The following DSE variants were observed in gnomAD, a reference collection of about 807,000 sequenced individuals.
DSE encodes the protein dermatan sulfate epimerase, also known as dermatan-sulfate epimerase.
In DSE, 36 loss-of-function variants were observed where a neutral mutation model predicts 84.4. The ratio of observed to expected loss-of-function variants is 0.43; its 90% CI spans 0.33 to 0.56. DSE has a LOEUF of 0.56. Among genes scored for constraint, DSE ranks in the 20% least tolerant of loss-of-function variants. The pLI, the probability that DSE is intolerant of heterozygous loss-of-function variation, is 0.06. For missense variants in DSE, 862 were observed against 1,169.6 expected (o/e 0.74, Z 3.84); for synonymous variants, 410 against 430.1 (o/e 0.95, Z 0.58).
intron 2 of DSE, among the ~76,000 whole-genome samples, chr6:116,272,597 A>G (rs889821924): frequency 6.6e-6 from 1 of 152,214 alleles, no homozygotes; most frequent in African/African-American, 2.4e-5. Context: ...AATTTGAATC[A>G]ATTTGACAAA....
At chr6:116,353,614 T>C (rs925448903) in intron 2 of DSE, among the ~76,000 whole-genome samples, 12 of 152,196 alleles carry the variant, frequency 7.9e-5, no homozygotes, top group African/African-American at 2.9e-4. Flanking sequence ...AGATGAGGCA[T>C]TGATATTCCC....
Position 116,370,969 on chromosome 6 carries a change from G to C in DSE, c.-206G>C. 1.0e-6 allele frequency: 1 copy of C among 985,416 alleles called. No individual in the cohort carries two copies. Among genetic ancestry groups the C allele is most frequent in the South Asian group, 4.7e-5 (1 of 21,288 alleles). 61.0% of individuals were successfully genotyped at this position (985,416 alleles called of 1,614,324 possible). On this transcript the variant is annotated 5_prime_UTR_variant, in exon 1 of 6. Coordinates refer to ENST00000644252, the MANE Select transcript of DSE (RefSeq NM_013352.4). ...CTCAGTAGCGTCGCCCGAGGCTGCA[G>C]CAGCGCATCCCGGGGCATGGCGCGG...
At chr6:116,432,499 T>C (rs896285123) in intron 4 of DSE, 2 of 152,196 alleles carry the variant, frequency 1.3e-5, no homozygotes, top group Non-Finnish European at 2.9e-5. Flanking sequence ...ACTTACAAGA[T>C]CATTTACTAA....
At position 116,410,733 on chromosome 6, in the gene DSE, CAAAAAAAAAAAAAAAAA is replaced by C. The variant is rs765969508; in HGVS notation, c.416+11084_416+11100del. ...TGGGCGACAGAGCGAGACTCTGTCT[CAAAAAAAAAAAAAAAAA>C]AAAAAAAAAAAAAAAAGAAGAAGAA... On this transcript the variant is annotated intron_variant, in intron 2 of 5. Transcript: ENST00000644252. 1.6e-4 allele frequency among the ~76,000 whole-genome samples: 13 copies of C among 79,604 alleles called. No homozygotes were observed. The South Asian group carries it at 2.5e-3, about 15-fold the overall frequency. 52.2% of individuals were successfully genotyped at this position (79,604 alleles called of 152,430 possible). A position where few individuals can be genotyped will look rare whatever the true frequency, so the allele number is the denominator to read the frequency against.
In DSE at chr6:116,437,076, C is replaced by T. The variant is rs746254694; in HGVS notation, c.2608C>T (p.His870Tyr). 29 of 1,613,752 alleles carry T rather than the reference C, an allele frequency of 1.8e-5. No individual in the cohort carries two copies. The South Asian group carries it at 3.1e-4, about 17-fold the overall frequency. ...TTTTGCAGATGTAACATACGAGAAACATAAAAATGGGGGCTTGATTAAAGG... is the reference window on the plus strand; with the variant it reads ...TTTTGCAGATGTAACATACGAGAAATATAAAAATGGGGGCTTGATTAAAGG... The part of the protein sequence containing the change: ...LDFADVTYEK[H>Y]KNGGLIKGRF... Residue 870 changes from histidine (H) to tyrosine (Y), a missense_variant, in exon 6 of 6, where the codon CAT becomes TAT. His to Tyr is a moderately conservative substitution (Grantham distance 83). Around this residue, in one of 4 missense-constraint regions of DSE, gnomAD observed 315 missense variants for 348.1 expected, o/e 0.90. Coordinates refer to ENST00000644252, the MANE Select transcript of DSE (RefSeq NM_013352.4).
chr6:116,376,284 C>A (rs1779924276), intron 1 of DSE, among the ~76,000 whole-genome samples: 1 of 152,208 alleles, frequency 6.6e-6, no homozygotes, highest in African/African-American at 2.4e-5. Context: ...TTGCTCAGTT[C>A]TCATTAGCTG....
At chr6:116,350,824 T>TA (rs1458085126) in intron 2 of DSE, among the ~76,000 whole-genome samples, 1 of 151,882 alleles carries the variant, frequency 6.6e-6, no homozygotes, top group Non-Finnish European at 1.5e-5. Context: ...TAAAAAAAAA[T>TA]AGCTTTTGGG....
chr6:116,300,344 A>G (rs969980178), intron 2 of DSE, among the ~76,000 whole-genome samples: 1 of 152,222 alleles, frequency 6.6e-6, no homozygotes. Flanking sequence ...ATTTCCTTCC[A>G]TATTTGAGTA....
At chr6:116,339,534 A>G (rs1423936685) in intron 2 of DSE, among the ~76,000 whole-genome samples, 3 of 152,224 alleles carry the variant, frequency 2.0e-5, no homozygotes, top group Non-Finnish European at 4.4e-5. Context: ...TAGGAATATT[A>G]ATCTGACTAC....
intron 2 of DSE, among the ~76,000 whole-genome samples, chr6:116,311,858 A>G (rs1377910084): frequency 6.6e-6 from 1 of 152,170 alleles, no homozygotes; most frequent in Non-Finnish European, 1.5e-5. Flanking sequence ...AGTTATCACC[A>G]TCCAAAATTA....
At chr6:116,315,109 A>G (rs956773933) in intron 2 of DSE, among the ~76,000 whole-genome samples, 1 of 152,202 alleles carries the variant, frequency 6.6e-6, no homozygotes, top group Non-Finnish European at 1.5e-5. Context: ...TTGCTTGGGC[A>G]GCTTCCTCCA....
At chr6:116,382,949 G>A (rs1274007011) in intron 1 of DSE, among the ~76,000 whole-genome samples, 1 of 152,178 alleles carries the variant, frequency 6.6e-6, no homozygotes, top group East Asian at 1.9e-4. Context: ...AATGATAAAA[G>A]TGCCAGGAGA....
chr6:116,364,934 A>C (rs1025294745), intron 2 of DSE, among the ~76,000 whole-genome samples: 1 of 143,724 alleles, frequency 7.0e-6, no homozygotes, highest in Non-Finnish European at 1.5e-5. Flanking sequence ...CTTGGGTTCC[A>C]GCAATTCTCG....
chr6:116,283,545 T>TTGC (rs1773672859), intron 2 of DSE, among the ~76,000 whole-genome samples: 2 of 148,202 alleles, frequency 1.3e-5, no homozygotes, highest in African/African-American at 5.3e-5. Context: ...GTTGTTGTTG[T>TTGC]TGTTGTTGTT....
chr6:116,279,822 G>T (rs879016495), intron 2 of DSE: 1 of 1,613,018 alleles, frequency 6.2e-7, no homozygotes, highest in Non-Finnish European at 8.5e-7. Flanking sequence ...CCCCATCCAG[G>T]CCGCTCATGT....
intron 2 of DSE, among the ~76,000 whole-genome samples, chr6:116,365,299 A>T (rs1043302389): frequency 2.6e-5 from 4 of 152,084 alleles, no homozygotes; most frequent in African/African-American, 9.7e-5. Context: ...TCTATCGCCC[A>T]GGCTGGAGTG....
At chr6:116,348,703 T>C (rs1033295697) in intron 2 of DSE, among the ~76,000 whole-genome samples, 3 of 152,172 alleles carry the variant, frequency 2.0e-5, no homozygotes, top group Admixed American at 6.5e-5. Context: ...TTATTCACGA[T>C]AGCAAAGACT....
At chr6:116,345,740 CT>C (rs920473815) in intron 2 of DSE, among the ~76,000 whole-genome samples, 2 of 152,090 alleles carry the variant, frequency 1.3e-5, no homozygotes, top group African/African-American at 2.4e-5. Context: ...CATTCAAAAG[CT>C]AGTAGAAGGC....
chr6:116,411,653 T>A (rs1388979701), intron 2 of DSE, among the ~76,000 whole-genome samples: 2 of 152,248 alleles, frequency 1.3e-5, no homozygotes, highest in East Asian at 3.8e-4. Context: ...AATCTGTATG[T>A]ATTGCTAATA....
Sources: gnomAD v4.1 joint callset for allele counts (sites outside exome capture counted in the v4.1 genomes callset) on GRCh38, gnomAD v4.1.1 for gene constraint, gnomAD v4.1.1 regional missense constraint, MANE v1.5 for transcripts, NCBI Gene and HGNC (gene_info 2026-07-23, HGNC 2026-07-21) for gene names.